DEPTOR: variants seen among roughly 807,000 people sequenced by gnomAD.
The protein encoded by DEPTOR is DEP domain-containing mTOR-interacting protein.
A neutral mutation model predicts 41.6 loss-of-function variants in DEPTOR; 41 were observed. The ratio of observed to expected loss-of-function variants is 0.98; its 90% CI spans 0.77 to 1.28. The LOEUF is 1.28. DEPTOR is among the 50% of genes most tolerant of loss of function. The probability of loss-of-function intolerance (pLI) is 0.00; values close to 1 mark genes in which losing one functional copy is unlikely to be tolerated. For synonymous variants in DEPTOR, 195 were observed against 192.3 expected (o/e 1.01, Z -0.12); for missense variants, 514 against 527.9 (o/e 0.97, Z 0.26).
intron 4 of DEPTOR, among the ~76,000 whole-genome samples, chr8:119,974,515 T>C (rs1828673366): frequency 6.6e-6 from 1 of 152,148 alleles, no homozygotes; most frequent in African/African-American, 2.4e-5. Context: ...CTCACACCTG[T>C]AATCCCAGCA....
intron 8 of DEPTOR, among the ~76,000 whole-genome samples, chr8:120,040,331 C>T (rs931831212): frequency 2.0e-5 from 3 of 151,840 alleles, no homozygotes; most frequent in East Asian, 3.9e-4. Context: ...AATCCCAGCA[C>T]TTTGGGAGGC....
intron 8 of DEPTOR, among the ~76,000 whole-genome samples, chr8:120,010,692 A>C (rs1812519873): frequency 1.3e-5 from 2 of 152,166 alleles, no homozygotes; most frequent in East Asian, 1.9e-4. Context: ...AGCAGGAAAA[A>C]AATTAAAATT....
chr8:119,978,338 A>T (rs138609881), intron 4 of DEPTOR, among the ~76,000 whole-genome samples: 1 of 152,174 alleles, frequency 6.6e-6, no homozygotes, highest in Non-Finnish European at 1.5e-5. Context: ...CTGTAGAATG[A>T]GGTCTCAGGC....
chr8:119,917,510 C>G (rs1458475520), intron 1 of DEPTOR, among the ~76,000 whole-genome samples: 1 of 152,206 alleles, frequency 6.6e-6, no homozygotes, highest in Non-Finnish European at 1.5e-5. Context: ...CTTTGTTAAA[C>G]AAATGCTTGA....
intron 8 of DEPTOR, among the ~76,000 whole-genome samples, chr8:120,034,519 C>T (rs1198072744): frequency 2.1e-5 from 3 of 142,640 alleles, no homozygotes; most frequent in Non-Finnish European, 4.5e-5. Context: ...GCAATCTCAG[C>T]TCACTGCAAT....
At chr8:119,918,667 G>A (rs1827847702) in intron 1 of DEPTOR, among the ~76,000 whole-genome samples, 1 of 152,094 alleles carries the variant, frequency 6.6e-6, no homozygotes, top group African/African-American at 2.4e-5. Flanking sequence ...CACCATGTTG[G>A]CCAGGATGGT....
intron 5 of DEPTOR, among the ~76,000 whole-genome samples, 184 bp from the exon 6 acceptor site, chr8:120,002,793 T>A (rs201245592): frequency 0.12 from 4,607 of 38,714 alleles, 235 homozygotes; most frequent in South Asian, 0.2. Context: ...AAAAAAAAAA[T>A]ATATATATAT....
intron 1 of DEPTOR, among the ~76,000 whole-genome samples, chr8:119,881,867 A>G (rs962279138): frequency 6.6e-6 from 1 of 151,942 alleles, no homozygotes; most frequent in South Asian, 2.1e-4. Flanking sequence ...TTCATGTAGA[A>G]TGTTTATTCT....
At chr8:119,980,863 A>G (rs1828758449) in intron 4 of DEPTOR, among the ~76,000 whole-genome samples, 1 of 152,002 alleles carries the variant, frequency 6.6e-6, no homozygotes, top group African/African-American at 2.4e-5. Flanking sequence ...TTGTTCCTCT[A>G]TGTCTGAGAT....
intron 5 of DEPTOR, among the ~76,000 whole-genome samples, chr8:120,002,560 A>G (rs1215736021): frequency 1.3e-5 from 2 of 151,766 alleles, no homozygotes; most frequent in African/African-American, 4.8e-5. Context: ...AGTAACCACA[A>G]AAAAGTGACT....
intron 3 of DEPTOR, among the ~76,000 whole-genome samples, chr8:119,961,606 T>C (rs1828493601): frequency 6.6e-6 from 1 of 152,034 alleles, no homozygotes; most frequent in Non-Finnish European, 1.5e-5. Context: ...CCAAATGCAA[T>C]GATTGATAGG....
At chr8:120,043,564 A>G (rs1813112277) in intron 8 of DEPTOR, among the ~76,000 whole-genome samples, 1 of 152,200 alleles carries the variant, frequency 6.6e-6, no homozygotes, top group Non-Finnish European at 1.5e-5. Flanking sequence ...TATTCTGTGC[A>G]TGCCTGAGAA....
At chr8:120,038,685 C>T (rs1003376597) in intron 8 of DEPTOR, among the ~76,000 whole-genome samples, 1 of 152,016 alleles carries the variant, frequency 6.6e-6, no homozygotes, top group Non-Finnish European at 1.5e-5. Context: ...CTAGGATGCT[C>T]ATCTATGTGG....
intron 1 of DEPTOR, among the ~76,000 whole-genome samples, chr8:119,927,580 T>TAC (rs1563967869): frequency 6.8e-6 from 1 of 147,320 alleles, no homozygotes; most frequent in East Asian, 1.9e-4. Context: ...CATATATATA[T>TAC]ACATATATAT....
intron 8 of DEPTOR, among the ~76,000 whole-genome samples, chr8:120,018,227 A>G (rs1051579569): frequency 5.5e-4 from 84 of 152,300 alleles, no homozygotes; most frequent in African/African-American, 1.9e-3. Flanking sequence ...AAATGAGAAA[A>G]TGCCTTCTGT....
At chr8:119,979,946 C>T (rs1397181865) in intron 4 of DEPTOR, among the ~76,000 whole-genome samples, 1 of 152,014 alleles carries the variant, frequency 6.6e-6, no homozygotes, top group African/African-American at 2.4e-5. Context: ...ACTGGAAAAA[C>T]TCTTGATCAT....
chr8:119,899,232 C>G (rs894282256), intron 1 of DEPTOR, among the ~76,000 whole-genome samples: 2 of 152,142 alleles, frequency 1.3e-5, no homozygotes, highest in Non-Finnish European at 2.9e-5. Context: ...TGTTATGAGA[C>G]AAGAAATTAC....
intron 1 of DEPTOR, among the ~76,000 whole-genome samples, chr8:119,911,380 G>A (rs531863708): frequency 1.4e-5 from 2 of 145,332 alleles, no homozygotes; most frequent in South Asian, 2.2e-4. Context: ...GTGCAATGGC[G>A]TGATCTTGGC....
chr8:119,949,061 C>T (rs1225561072), intron 3 of DEPTOR, among the ~76,000 whole-genome samples: 1 of 152,246 alleles, frequency 6.6e-6, no homozygotes, highest in Non-Finnish European at 1.5e-5. Context: ...GCTGGGATTA[C>T]AGGCATGAGC....
Sources: allele counts gnomAD v4.1 joint callset (sites outside exome capture counted in the v4.1 genomes callset), GRCh38; gene constraint gnomAD v4.1.1; transcripts MANE v1.5; gene names NCBI Gene and HGNC (gene_info 2026-07-23, HGNC 2026-07-21).